MAP4K1: variants seen among roughly 807,000 people sequenced by gnomAD.
MAP4K1 encodes the protein mitogen-activated protein kinase kinase kinase kinase 1, also known as MAPK/ERK kinase kinase kinase 1.
A neutral mutation model predicts 122.8 loss-of-function variants in MAP4K1; 35 were observed. That is an observed-to-expected ratio of 0.29 (90% CI 0.22 to 0.38). MAP4K1 has a LOEUF of 0.38. Ranked by LOEUF, MAP4K1 falls within the 10% of genes least tolerant of loss-of-function variation. The pLI is 1.00. For synonymous variants in MAP4K1, 412 were observed against 421.3 expected (o/e 0.98, Z 0.27); for missense variants, 791 against 1,072.6 (o/e 0.74, Z 3.67).
At chr19:38,601,728 T>G in intron 19 of MAP4K1, 1 of 549,456 alleles carries the variant, frequency 1.8e-6, no homozygotes, top group South Asian at 2.3e-5. Flanking sequence ...TTTTTTTTTG[T>G]TGTTGTTATA....
Position 38,609,916 on chromosome 19 carries a change from T to C in MAP4K1, c.920A>G (p.Glu307Gly). 6.2e-7 allele frequency: 1 copy of C among 1,613,850 alleles called. No individual in the cohort carries two copies. Among genetic ancestry groups the C allele is most frequent in the Non-Finnish European group, 8.5e-7 (1 of 1,179,698 alleles). ...GTCAGCCAAGGCTCTCACCTCGGGC[T>C]CCTCATCCTCAATGTCCCCAATGGA... ...GPSIGDIEDEEPELPPAIPRR... is the reference protein window; with the variant it reads ...GPSIGDIEDEGPELPPAIPRR... Residue 307 changes from glutamate to glycine, a missense_variant, in exon 12 of 31, where the codon GAG becomes GGG. Physicochemically the swap from Glu to Gly is moderately conservative, Grantham distance 98. This residue lies in a region of MAP4K1 where 303 missense variants were observed against 344.8 expected (regional missense o/e 0.88). Coordinates refer to ENST00000396857, the MANE Select transcript of MAP4K1 (RefSeq NM_001042600.3).
chr19:38,602,787 T>C (rs1259765346), intron 19 of MAP4K1, among the ~76,000 whole-genome samples: 3 of 144,598 alleles, frequency 2.1e-5, no homozygotes, highest in Non-Finnish European at 4.5e-5. Flanking sequence ...CACATATACA[T>C]ATATACACAC....
In MAP4K1 at chr19:38,611,284, C is replaced by T. The variant is rs757835443; in HGVS notation, c.687G>A (p.Lys229=). ...HPLRVLFLMT[K]SGYQPPRLKE... ...TCAGTCGGGGAGGCTGGTAGCCACT[C>T]TTGGTCATGAGGAAGAGAACTCTAG... The change falls in exon 10 of 31, where the codon AAG becomes AAA. Residue 229 remains lysine (K), a synonymous_variant. Transcript: ENST00000396857. The T allele has an allele frequency of 2.5e-6, 4 of 1,613,430 alleles. No individual in the cohort carries two copies. The South Asian group carries it at 3.3e-5, about 13-fold the overall frequency.
At position 38,607,980 on chromosome 19, in the gene MAP4K1, G is replaced by C; in HGVS notation, c.1109+10C>G. ...CCAGCCCCCTCCCCATCCTCCCTGG[G>C]GTCCCTGACCTGGGGCTGCTGCTCC... On this transcript the variant is annotated intron_variant, in intron 15 of 30. Coordinates refer to ENST00000396857, the MANE Select transcript of MAP4K1 (RefSeq NM_001042600.3). 6.2e-7 allele frequency: 1 copy of C among 1,611,866 alleles called. No homozygotes were observed. Among genetic ancestry groups the C allele is most frequent in the African/African-American group, 1.3e-5 (1 of 74,948 alleles).
intron 29 of MAP4K1, among the ~76,000 whole-genome samples, chr19:38,593,635 G>A (rs1482126846): frequency 1.3e-5 from 2 of 152,246 alleles, no homozygotes; most frequent in African/African-American, 4.8e-5. Context: ...CCGGGAGGCA[G>A]AAATTGCATT....
At chr19:38,593,258 T>C in intron 30 of MAP4K1, 24 bp downstream of exon 30, 7 of 1,608,386 alleles carry the variant, frequency 4.4e-6, no homozygotes, top group Non-Finnish European at 5.9e-6. Flanking sequence ...CCCAGGTCCT[T>C]CTGCACCCCA....
In MAP4K1 at chr19:38,605,589, G is replaced by C. The variant is rs1406026783; in HGVS notation, c.1342C>G (p.Pro448Ala). The C allele has an allele frequency of 4.5e-6, 7 of 1,550,580 alleles. No individual in the cohort carries two copies. The highest frequency in any genetic ancestry group is 2.1e-5 in the Admixed American group (1 of 47,082). ...TTACCTGAATGGGCGGTGAGGTGGG[G>C]GCTGCTGGTGGATGGGGGAGGCCCA... The part of the protein sequence containing the change: ...RPGPPPSTSS[P>A]HLTAHSEPSL... The change falls in exon 18 of 31, where the codon CCC (proline) becomes GCC (alanine). Residue 448 changes from proline (P) to alanine (A), a missense_variant. Physicochemically the swap from Pro to Ala is conservative, Grantham distance 27. Around this residue, in one of 4 missense-constraint regions of MAP4K1, gnomAD observed 303 missense variants for 344.8 expected, o/e 0.88. Coordinates refer to ENST00000396857, the MANE Select transcript of MAP4K1 (RefSeq NM_001042600.3).
At position 38,595,527 on chromosome 19, in the gene MAP4K1, G is replaced by A. The variant is rs765337606; in HGVS notation, c.2298C>T (p.Phe766=). Residue 766 remains phenylalanine (F), a synonymous_variant, in exon 29 of 31, where the codon TTC becomes TTT. Transcript: ENST00000396857. ...CCCACACCTGCACTCCATGCTTCCAGAAGGCCTGAAGCTGACCTCCAACCA... is the reference window on the plus strand; with the variant it reads ...CCCACACCTGCACTCCATGCTTCCAAAAGGCCTGAAGCTGACCTCCAACCA... ...VAMVGGQLQA[F]WKHGVQVWAL... 6.8e-6 allele frequency: 11 copies of A among 1,613,984 alleles called. 1 individual carries two copies. The highest frequency in any genetic ancestry group is 9.3e-6 in the Non-Finnish European group (11 of 1,180,032).
intron 13 of MAP4K1, among the ~76,000 whole-genome samples, chr19:38,608,426 G>A (rs1339912858): frequency 1.3e-5 from 2 of 151,932 alleles, no homozygotes; most frequent in African/African-American, 2.4e-5. Flanking sequence ...GCTGAGGTGG[G>A]CAGATCGCTG....
intron 22 of MAP4K1, among the ~76,000 whole-genome samples, chr19:38,598,682 T>A (rs1208205970): frequency 1.3e-5 from 2 of 152,122 alleles, no homozygotes; most frequent in Admixed American, 1.3e-4. Context: ...AAGTATGGAA[T>A]AAGTTCTGAT....
intron 29 of MAP4K1, 22 bp from the exon 30 acceptor site, chr19:38,593,359 C>A: frequency 6.3e-7 from 1 of 1,596,868 alleles, no homozygotes; most frequent in Non-Finnish European, 8.5e-7. Flanking sequence ...AAGTGTGTGT[C>A]TCAGTGCCTG....
chr19:38,589,761 G>T (rs543518938), intron 30 of MAP4K1, among the ~76,000 whole-genome samples: 2 of 152,136 alleles, frequency 1.3e-5, no homozygotes, highest in Admixed American at 6.6e-5. Flanking sequence ...TGGGTGCGGT[G>T]ACCCCTGCCT....
At chr19:38,595,324 A>G (rs1974840810) in intron 29 of MAP4K1, among the ~76,000 whole-genome samples, 161 bp downstream of exon 29, 1 of 152,084 alleles carries the variant, frequency 6.6e-6, no homozygotes, top group Admixed American at 6.6e-5. Flanking sequence ...AATAAAAAAT[A>G]AATCCTGGGG....
At chr19:38,602,572 A>G (rs1279362944) in intron 19 of MAP4K1, among the ~76,000 whole-genome samples, 2 of 148,632 alleles carry the variant, frequency 1.3e-5, no homozygotes, top group Admixed American at 6.8e-5. Context: ...ATACATATAT[A>G]CATATATATA....
In MAP4K1 at chr19:38,603,079, T is replaced by C. The variant is rs200202009; in HGVS notation, c.1447-1554A>G. 7.9e-5 allele frequency among the ~76,000 whole-genome samples: 8 copies of C among 101,768 alleles called. 1 individual carries two copies. Among genetic ancestry groups the C allele is most frequent in the Non-Finnish European group, 1.4e-4 (7 of 50,058 alleles). The allele number at this position is 101,768 out of a possible 152,430, so 66.8% of individuals were successfully genotyped here. On this transcript the variant is annotated intron_variant, in intron 19 of 30. Coordinates refer to ENST00000396857, the MANE Select transcript of MAP4K1 (RefSeq NM_001042600.3). ...ATATACATATACACATATACATATA[T>C]ACACATGTACATATATACACATGTA...
chr19:38,604,980 C>T lies in MAP4K1; in HGVS notation c.1446+429G>A, dbSNP rs190286624. Among the ~76,000 whole-genome samples, 9 of 144,514 alleles carry T rather than the reference C, an allele frequency of 6.2e-5. No homozygotes were observed. In the East Asian group the frequency reaches 8.5e-4, roughly 14 times the overall value. 94.8% of individuals were successfully genotyped at this position (144,514 alleles called of 152,430 possible). A position where few individuals can be genotyped will look rare whatever the true frequency, so the allele number is the denominator to read the frequency against. ...GCATTGCCTGTAATCTCAGCTACTC[C>T]GGAGGCTGAGGCAGGAGAATCACTT... On this transcript the variant is annotated intron_variant, in intron 19 of 30. Transcript: ENST00000396857.
Position 38,617,379 on chromosome 19 carries a change from C to T in MAP4K1, c.223G>A (p.Val75Met), listed in dbSNP as rs747508390. Residue 75 changes from valine to methionine, a missense_variant, in exon 3 of 31, where the codon GTG (valine) becomes ATG (methionine). Val to Met is a conservative substitution (Grantham distance 21, BLOSUM62 1). Around this residue, in one of 4 missense-constraint regions of MAP4K1, gnomAD observed 163 missense variants for 286.1 expected, o/e 0.57. Coordinates refer to ENST00000396857, the MANE Select transcript of MAP4K1 (RefSeq NM_001042600.3). The surrounding 1 kb of genome is among the most constrained non-coding windows in gnomAD (Gnocchi z 4.1). ...ILKTCRHANI[V>M]AYHGSYLWLQ... ...CAGAGATAACTCCCATGGTAGGCCA[C>T]GATGTTGGCGTGCCGGCAAGTTTTC... The T allele has an allele frequency of 6.2e-7, 1 of 1,613,744 alleles. No homozygotes were observed. The highest frequency in any genetic ancestry group is 8.5e-7 in the Non-Finnish European group (1 of 1,179,910).
chr19:38,609,283 C>T (rs969838506), intron 13 of MAP4K1, among the ~76,000 whole-genome samples: 25 of 152,082 alleles, frequency 1.6e-4, no homozygotes, highest in African/African-American at 2.4e-5. Flanking sequence ...TACAGGCGTG[C>T]ACTACCACAC....
Position 38,609,932 on chromosome 19 carries a change from C to A in MAP4K1, c.904G>T (p.Asp302Tyr), listed in dbSNP as rs143567056. 6.2e-7 allele frequency: 1 copy of A among 1,614,144 alleles called. No individual in the cohort carries two copies. Among genetic ancestry groups the A allele is most frequent in the Non-Finnish European group, 8.5e-7 (1 of 1,179,974 alleles). ...ACCTCGGGCTCCTCATCCTCAATGTCCCCAATGGAGGGTCCTTTCCCGGGA... is the reference window on the plus strand; with the variant it reads ...ACCTCGGGCTCCTCATCCTCAATGTACCCAATGGAGGGTCCTTTCCCGGGA... ...KNPGKGPSIG[D>Y]IEDEEPELPP... Residue 302 changes from aspartate to tyrosine, a missense_variant, in exon 12 of 31, where the codon GAC becomes TAC. Coordinates refer to ENST00000396857, the MANE Select transcript of MAP4K1 (RefSeq NM_001042600.3).
Sources: allele counts gnomAD v4.1 joint callset (sites outside exome capture counted in the v4.1 genomes callset), GRCh38; gene constraint gnomAD v4.1.1; regional missense constraint gnomAD v4.1.1; non-coding constraint Gnocchi (gnomAD v3.1); transcripts MANE v1.5; gene names NCBI Gene and HGNC (gene_info 2026-07-23, HGNC 2026-07-21).